Variants in ANKMY2 observed in about 807,000 individuals in gnomAD.
ANKMY2 encodes ankyrin repeat and MYND domain-containing protein 2.
A neutral mutation model predicts 50.4 loss-of-function variants in ANKMY2; 36 were observed. The observed-to-expected ratio is 0.71, with a 90% CI of 0.55 to 0.94. The LOEUF (loss-of-function observed/expected upper bound fraction) is 0.94. Ranked by LOEUF, ANKMY2 falls within the 40% of genes least tolerant of loss-of-function variation. The pLI, the probability that ANKMY2 is intolerant of heterozygous loss-of-function variation, is 0.00. For synonymous variants in ANKMY2, 187 were observed against 178.8 expected (o/e 1.05, Z -0.36); for missense variants, 565 against 524.0 (o/e 1.08, Z -0.76).
At chr7:16,605,961 G>C (rs1781153657) in intron 7 of ANKMY2, among the ~76,000 whole-genome samples, 1 of 151,968 alleles carries the variant, frequency 6.6e-6, no homozygotes, top group Non-Finnish European at 1.5e-5. Flanking sequence ...GGGATTACAG[G>C]TGTGAGCCAC....
At chr7:16,634,403 T>C (rs1444545413) in intron 2 of ANKMY2, among the ~76,000 whole-genome samples, 2 of 152,260 alleles carry the variant, frequency 1.3e-5, no homozygotes, top group East Asian at 3.9e-4. Context: ...GGTTACAGTA[T>C]ATGGAGAGGT....
intron 8 of ANKMY2, among the ~76,000 whole-genome samples, chr7:16,603,019 G>A (rs1178571304): frequency 2.0e-5 from 3 of 152,194 alleles, no homozygotes; most frequent in African/African-American, 7.2e-5. Flanking sequence ...AAATGACCCA[G>A]TCTCAAGTAT....
intron 2 of ANKMY2, among the ~76,000 whole-genome samples, chr7:16,635,312 G>A (rs1327217012): frequency 6.6e-6 from 1 of 152,130 alleles, no homozygotes. Flanking sequence ...CTAATATATT[G>A]TGACTAAAAG....
At chr7:16,614,720 C>A (rs1227687369) in intron 5 of ANKMY2, among the ~76,000 whole-genome samples, 1 of 152,214 alleles carries the variant, frequency 6.6e-6, no homozygotes, top group African/African-American at 2.4e-5. Context: ...TCGTAATAAA[C>A]TTCTGGGGAA....
chr7:16,605,971 C>A (rs1020839361), intron 7 of ANKMY2, among the ~76,000 whole-genome samples: 7 of 152,124 alleles, frequency 4.6e-5, no homozygotes, highest in Non-Finnish European at 1.0e-4. Context: ...GTGTGAGCCA[C>A]CACACCTGGC....
rs1431676600 is a variant in ANKMY2 at position 16,599,956 on chromosome 7, A to G, written c.*805T>C. ...TCTGGAAAGGAAGTGCTCCATGAAA[A>G]GCTTATAGCAAGATAACTCAGGCTT... On this transcript the variant is annotated 3_prime_UTR_variant, in exon 10 of 10. Transcript: ENST00000306999. 1 of 152,250 alleles carries G rather than the reference A, an allele frequency of 6.6e-6. No individual in the cohort carries two copies. The highest frequency in any genetic ancestry group is 1.5e-5 in the Non-Finnish European group (1 of 68,036). 9.4% of individuals were successfully genotyped at this position (152,250 alleles called of 1,614,324 possible). A position where few individuals can be genotyped will look rare whatever the true frequency, so the allele number is the denominator to read the frequency against.
intron 3 of ANKMY2, among the ~76,000 whole-genome samples, chr7:16,626,487 A>G (rs1441457855): frequency 6.6e-6 from 1 of 152,178 alleles, no homozygotes; most frequent in East Asian, 1.9e-4. Flanking sequence ...ATAGATTATT[A>G]TCTTCAAAGT....
Position 16,600,224 on chromosome 7 carries a change from A to T in ANKMY2, c.*537T>A, listed in dbSNP as rs1244346016. Reference sequence around the variant, plus strand: ...CAGGATCATTTCTATATAAAACTACAATTAGCTGAACTATGGCAAAGGTCC... The same window carrying T: ...CAGGATCATTTCTATATAAAACTACTATTAGCTGAACTATGGCAAAGGTCC... On this transcript the variant is annotated 3_prime_UTR_variant, in exon 10 of 10. Coordinates refer to ENST00000306999, the MANE Select transcript of ANKMY2 (RefSeq NM_020319.3). 1 of 152,244 alleles carries T rather than the reference A, an allele frequency of 6.6e-6. No homozygotes were observed. Among genetic ancestry groups the T allele is most frequent in the Middle Eastern group, 3.2e-3 (1 of 316 alleles). The allele number at this position is 152,244 out of a possible 1,614,324, so 9.4% of individuals were successfully genotyped here. A position where few individuals can be genotyped will look rare whatever the true frequency, so the allele number is the denominator to read the frequency against.
chr7:16,645,332 C>A (rs1001698317), intron 1 of ANKMY2, among the ~76,000 whole-genome samples, 175 bp downstream of exon 1: 2 of 152,170 alleles, frequency 1.3e-5, no homozygotes, highest in Admixed American at 1.3e-4. Flanking sequence ...GCCTCCCCAC[C>A]TCTCCGCCCC....
At chr7:16,604,520 C>A (rs1781121379) in intron 8 of ANKMY2, among the ~76,000 whole-genome samples, 1 of 152,164 alleles carries the variant, frequency 6.6e-6, no homozygotes. Flanking sequence ...GGCAGTTTAG[C>A]AGAAGACAGA....
chr7:16,623,304 A>T (rs1367564447), intron 4 of ANKMY2, among the ~76,000 whole-genome samples: 1 of 152,152 alleles, frequency 6.6e-6, no homozygotes, highest in African/African-American at 2.4e-5. Flanking sequence ...AATATATTAA[A>T]ATGGAATGAA....
intron 3 of ANKMY2, among the ~76,000 whole-genome samples, chr7:16,625,518 T>C (rs771552458): frequency 6.6e-6 from 1 of 152,248 alleles, no homozygotes; most frequent in Non-Finnish European, 1.5e-5. Context: ...TCTATCTTTC[T>C]ACACCTTTTT....
intron 3 of ANKMY2, among the ~76,000 whole-genome samples, chr7:16,625,541 T>C (rs914428285): frequency 6.6e-6 from 1 of 152,236 alleles, no homozygotes; most frequent in Non-Finnish European, 1.5e-5. Context: ...TATCTAAACA[T>C]ACACATTATT....
chr7:16,642,618 T>A (rs1400472732), intron 1 of ANKMY2, among the ~76,000 whole-genome samples: 2 of 151,406 alleles, frequency 1.3e-5, no homozygotes, highest in Non-Finnish European at 2.9e-5. Flanking sequence ...TATTGTCTCA[T>A]CTAGAGTTTT....
chr7:16,615,117 T>C (rs2128343061), intron 5 of ANKMY2, among the ~76,000 whole-genome samples: 1 of 152,360 alleles, frequency 6.6e-6, no homozygotes, highest in South Asian at 2.1e-4. Context: ...AAATCTGATT[T>C]GATGAATTAC....
intron 3 of ANKMY2, among the ~76,000 whole-genome samples, chr7:16,626,638 T>C (rs1157667930): frequency 6.6e-6 from 1 of 152,198 alleles, no homozygotes; most frequent in African/African-American, 2.4e-5. Flanking sequence ...AAAGGGATCA[T>C]CATATTTAGT....
intron 4 of ANKMY2, among the ~76,000 whole-genome samples, chr7:16,617,358 C>T (rs1053465929): frequency 2.0e-5 from 3 of 152,072 alleles, no homozygotes; most frequent in African/African-American, 7.2e-5. Flanking sequence ...ATTAAATTTT[C>T]TTCTTCCACT....
At chr7:16,614,726 G>A (rs888342794) in intron 5 of ANKMY2, among the ~76,000 whole-genome samples, 3 of 152,100 alleles carry the variant, frequency 2.0e-5, no homozygotes, top group South Asian at 2.1e-4. Context: ...TAAACTTCTG[G>A]GGAAATCTAT....
In ANKMY2 at chr7:16,615,761, T is replaced by G; in HGVS notation, c.514A>C (p.Asn172His). ...CACACTACCTTGACAGGATGAAGAT[T>G]CGTTGTGGTGATAATTTTGTGCAGC... ...GPLHKIITTTNLHPVKIVMLV... is the reference protein window; with the variant it reads ...GPLHKIITTTHLHPVKIVMLV... The change falls in exon 5 of 10, where the codon AAT (asparagine) becomes CAT (histidine). Residue 172 changes from asparagine to histidine, a missense_variant. Asn to His is a moderately conservative substitution (Grantham distance 68). Transcript: ENST00000306999. The G allele has an allele frequency of 6.2e-7, 1 of 1,614,158 alleles. No individual in the cohort carries two copies. Among genetic ancestry groups the G allele is most frequent in the Non-Finnish European group, 8.5e-7 (1 of 1,180,012 alleles).
Sources: allele counts gnomAD v4.1 joint callset (sites outside exome capture counted in the v4.1 genomes callset), GRCh38; gene constraint gnomAD v4.1.1; transcripts MANE v1.5; gene names NCBI Gene and HGNC (gene_info 2026-07-23, HGNC 2026-07-21).